The following PIEZO2 variants were observed in gnomAD, a reference collection of about 807,000 sequenced individuals.
PIEZO2 encodes the protein piezo type mechanosensitive ion channel component 2, also known as piezo-type mechanosensitive ion channel component 2.
Under a neutral mutation model 337.3 loss-of-function variants are expected in PIEZO2, and 172 were observed. The ratio of observed to expected loss-of-function variants is 0.51; its 90% CI spans 0.45 to 0.58. The LOEUF (loss-of-function observed/expected upper bound fraction) is 0.58. Among genes scored for constraint, PIEZO2 ranks in the 20% least tolerant of loss-of-function variants. The pLI is 0.00. For synonymous variants in PIEZO2, 1,251 were observed against 1,228.5 expected, an observed-to-expected ratio of 1.02 and a Z score of -0.38; for missense variants, 3,028 against 3,391.3, an observed-to-expected ratio of 0.89 and a Z score of 2.66.
chr18:11,145,895 A>C (rs1247070358), intron 1 of PIEZO2, among the ~76,000 whole-genome samples: 1 of 152,172 alleles, frequency 6.6e-6, no homozygotes, highest in Non-Finnish European at 1.5e-5. Context: ...GCCAGGGGCC[A>C]GTCCACCTCC....
intron 18 of PIEZO2, among the ~76,000 whole-genome samples, chr18:10,778,524 G>A (rs907344295): frequency 3.3e-5 from 5 of 151,984 alleles, no homozygotes; most frequent in African/African-American, 1.2e-4. Flanking sequence ...AGTAGAGACA[G>A]GGTTTCACCG....
chr18:10,741,839 G>A (rs893019894), intron 32 of PIEZO2, among the ~76,000 whole-genome samples: 9 of 151,752 alleles, frequency 5.9e-5, no homozygotes, highest in African/African-American at 1.5e-4. Context: ...ACTGTATATC[G>A]GAAATATATC....
At chr18:10,967,011 G>GTTTTTTTTTT (rs1368023375) in intron 3 of PIEZO2, among the ~76,000 whole-genome samples, 5 of 109,392 alleles carry the variant, frequency 4.6e-5, no homozygotes, top group African/African-American at 7.2e-5. Flanking sequence ...CATTTTCTCT[G>GTTTTTTTTTT]TTTTTTGTTT....
At chr18:10,958,194 A>G (rs1436266828) in intron 3 of PIEZO2, among the ~76,000 whole-genome samples, 1 of 152,240 alleles carries the variant, frequency 6.6e-6, no homozygotes, top group Non-Finnish European at 1.5e-5. Context: ...AATACTATAC[A>G]GTCTTTAAAA....
intron 21 of PIEZO2, among the ~76,000 whole-genome samples, chr18:10,765,879 T>C (rs1433315436): frequency 2.6e-5 from 4 of 151,862 alleles, no homozygotes; most frequent in Admixed American, 1.3e-4. Context: ...AAGGGCCTGA[T>C]GAAACTGTGG....
chr18:10,886,091 A>G (rs1023421253), intron 4 of PIEZO2, among the ~76,000 whole-genome samples: 2 of 149,932 alleles, frequency 1.3e-5, no homozygotes, highest in East Asian at 4.0e-4. Flanking sequence ...AAAATCACTA[A>G]CACACACACA....
chr18:10,720,229 T>TGTGTGC (rs1372459136), intron 36 of PIEZO2, among the ~76,000 whole-genome samples: 1 of 143,386 alleles, frequency 7.0e-6, no homozygotes, highest in African/African-American at 2.6e-5. Flanking sequence ...TATATGTGTG[T>TGTGTGC]GTGTGTATAT....
intron 1 of PIEZO2, among the ~76,000 whole-genome samples, chr18:11,091,292 G>A (rs1244843625): frequency 6.6e-6 from 1 of 150,854 alleles, no homozygotes. Flanking sequence ...GCTGAGGTAG[G>A]AGAATCACTT....
chr18:11,120,023 A>G (rs1261776249), intron 1 of PIEZO2, among the ~76,000 whole-genome samples: 2 of 152,218 alleles, frequency 1.3e-5, no homozygotes, highest in Non-Finnish European at 2.9e-5. Flanking sequence ...CAGGATAATC[A>G]GTCTCCATCC....
chr18:10,914,992 T>C (rs2030820926), intron 3 of PIEZO2, among the ~76,000 whole-genome samples: 2 of 149,470 alleles, frequency 1.3e-5, no homozygotes, highest in Admixed American at 1.3e-4. Context: ...CAGCTCTGCC[T>C]GTCCATTCTC....
At position 10,724,251 on chromosome 18, in the gene PIEZO2, T is replaced by C. The variant is rs543651462; in HGVS notation, c.5030-5992A>G. The stretch of plus-strand genomic sequence containing the variant: ...GCTCATGCGTTTAATTCCAGCACTT[T>C]GGGAGGCTGAGGTGGGAGGATCACT... On this transcript the variant is annotated intron_variant, in intron 36 of 55. Transcript: ENST00000674853. The surrounding 1 kb of genome is among the most constrained non-coding windows in gnomAD (Gnocchi z 5.8). Among the ~76,000 whole-genome samples the C allele has an allele frequency of 6.6e-6, 1 of 152,246 alleles. No individual in the cohort carries two copies. Among genetic ancestry groups the C allele is most frequent in the Non-Finnish European group, 1.5e-5 (1 of 68,026 alleles).
In PIEZO2 at chr18:10,701,739, C is replaced by T. The variant is rs4239290; in HGVS notation, c.6441+250G>A. ...AACCTAGGTTGGAAACATGGGGAAA[C>T]ATTCTCCCAGATTTATTGTAAGTTC... On this transcript the variant is annotated intron_variant, in intron 43 of 55. Coordinates refer to ENST00000674853, the MANE Select transcript of PIEZO2 (RefSeq NM_001378183.1). 79,126 of 353,388 alleles carry T rather than the reference C, an allele frequency of 0.22. 9,385 individuals are homozygous for T. The highest frequency in any genetic ancestry group is 0.27 in the South Asian group (3,043 of 11,084). The allele number at this position is 353,388 out of a possible 1,614,324, so 21.9% of individuals were successfully genotyped here. A position where few individuals can be genotyped will look rare whatever the true frequency, so the allele number is the denominator to read the frequency against.
chr18:10,716,913 T>C lies in PIEZO2; in HGVS notation c.5090-1097A>G, dbSNP rs2036032920. Among the ~76,000 whole-genome samples, 1 of 152,188 alleles carries C rather than the reference T, an allele frequency of 6.6e-6. No individual in the cohort carries two copies. The highest frequency in any genetic ancestry group is 2.4e-5 in the African/African-American group (1 of 41,442). On this transcript the variant is annotated intron_variant, in intron 37 of 55. Transcript: ENST00000674853. The surrounding 1 kb of genome is among the most constrained non-coding windows in gnomAD (Gnocchi z 4.1). Reference sequence around the variant, plus strand: ...GTGGTTTTGCTACAGTGGGCCTGATTGTAAGGCTGCAGCCACCGCACTGGA... The same window carrying C: ...GTGGTTTTGCTACAGTGGGCCTGATCGTAAGGCTGCAGCCACCGCACTGGA...
At chr18:10,880,845 T>TCATATA in intron 4 of PIEZO2, among the ~76,000 whole-genome samples, 1 of 75,866 alleles carries the variant, frequency 1.3e-5, no homozygotes. Flanking sequence ...TTCCCACATA[T>TCATATA]CATATATATA....
At position 10,969,949 on chromosome 18, in the gene PIEZO2, A is replaced by T. The variant is rs985650689; in HGVS notation, c.286+9586T>A. 1.3e-5 allele frequency among the ~76,000 whole-genome samples: 2 copies of T among 152,002 alleles called. No individual in the cohort carries two copies. Among genetic ancestry groups the T allele is most frequent in the African/African-American group, 4.8e-5 (2 of 41,372 alleles). ...TATTAATTCATTTATTCATTCTTCA[A>T]TTGTTGGGCAGTATGCTATACATCA... On this transcript the variant is annotated intron_variant, in intron 3 of 55. Coordinates refer to ENST00000674853, the MANE Select transcript of PIEZO2 (RefSeq NM_001378183.1). The surrounding 1 kb of genome is among the most constrained non-coding windows in gnomAD (Gnocchi z 4.5).
intron 3 of PIEZO2, among the ~76,000 whole-genome samples, chr18:10,963,468 A>G (rs1327555817): frequency 6.6e-6 from 1 of 152,218 alleles, no homozygotes; most frequent in Non-Finnish European, 1.5e-5. Context: ...GAATAGATGC[A>G]TAACATCCGG....
At chr18:10,725,377 TGGA>T (rs921729314) in intron 36 of PIEZO2, 19 of 1,606,062 alleles carry the variant, frequency 1.2e-5, no homozygotes, top group Non-Finnish European at 1.4e-5. Flanking sequence ...GTGATGATGG[TGGA>T]GAACAGCCGG....
chr18:11,068,836 G>A (rs1420108573), intron 1 of PIEZO2, among the ~76,000 whole-genome samples: 1 of 151,868 alleles, frequency 6.6e-6, no homozygotes, highest in African/African-American at 2.4e-5. Context: ...TGAAAGAGGA[G>A]ACATTACCAC....
At chr18:10,684,210 G>C (rs370768946) in intron 49 of PIEZO2, among the ~76,000 whole-genome samples, 2 of 131,392 alleles carry the variant, frequency 1.5e-5, no homozygotes, top group South Asian at 2.5e-4. Context: ...CTGTCGCCCA[G>C]GCTGGAGTGC....
Sources: gnomAD v4.1 joint callset for allele counts (sites outside exome capture counted in the v4.1 genomes callset) on GRCh38, gnomAD v4.1.1 for gene constraint, Gnocchi (gnomAD v3.1) non-coding constraint, MANE v1.5 for transcripts, NCBI Gene and HGNC (gene_info 2026-07-23, HGNC 2026-07-21) for gene names.